Variants in ADAM10 observed in about 807,000 individuals in gnomAD.
ADAM10 encodes the protein ADAM metallopeptidase domain 10.
ADAM10 carries 17 observed loss-of-function variants against 90.1 expected under a neutral mutation model. The ratio of observed to expected loss-of-function variants is 0.19; its 90% CI spans 0.13 to 0.28. ADAM10 has a LOEUF of 0.28. Among genes scored for constraint, ADAM10 ranks in the 10% least tolerant of loss-of-function variants. The probability of loss-of-function intolerance (pLI) is 1.00; values close to 1 mark genes in which losing one functional copy is unlikely to be tolerated. For synonymous variants in ADAM10, 310 were observed against 298.6 expected (o/e 1.04, Z -0.40); for missense variants, 610 against 914.3 (o/e 0.67, Z 4.29).
At chr15:58,691,345 C>A in intron 2 of ADAM10, 1 of 1,058,438 alleles carries the variant, frequency 9.4e-7, no homozygotes, top group Middle Eastern at 2.0e-4. Flanking sequence ...CAGTACTCAT[C>A]AATGGGCTCA....
intron 1 of ADAM10, among the ~76,000 whole-genome samples, chr15:58,745,503 TATTATGA>T (rs1899761758): frequency 6.6e-6 from 1 of 152,242 alleles, no homozygotes; most frequent in Admixed American, 6.5e-5. Context: ...AAGCTGCTAC[TATTATGA>T]AAACGGGTTT....
intron 2 of ADAM10, among the ~76,000 whole-genome samples, chr15:58,685,648 T>C (rs565628104): frequency 2.3e-4 from 34 of 149,630 alleles, no homozygotes; most frequent in Non-Finnish European, 4.7e-4. Context: ...ATTATAAGAA[T>C]GTGCATCAAA....
intron 5 of ADAM10, among the ~76,000 whole-genome samples, chr15:58,656,680 G>C (rs1896835912): frequency 2.6e-5 from 4 of 152,040 alleles, no homozygotes; most frequent in South Asian, 2.1e-4. Context: ...ATCCTGAAGA[G>C]TTATTTTTTA....
chr15:58,676,695 G>C (rs555124890), intron 4 of ADAM10, among the ~76,000 whole-genome samples: 18 of 152,164 alleles, frequency 1.2e-4, no homozygotes, highest in African/African-American at 4.1e-4. Context: ...CTTATACCTG[G>C]AGTCCCAGCT....
chr15:58,670,079 T>A (rs1253264788), intron 4 of ADAM10, among the ~76,000 whole-genome samples: 2 of 152,032 alleles, frequency 1.3e-5, no homozygotes, highest in Non-Finnish European at 2.9e-5. Context: ...ATTATAAACT[T>A]TATATATAAG....
intron 1 of ADAM10, among the ~76,000 whole-genome samples, chr15:58,749,246 G>C (rs1899895990): frequency 6.6e-6 from 1 of 152,178 alleles, no homozygotes; most frequent in African/African-American, 2.4e-5. Flanking sequence ...CAGGGCGGTG[G>C]GGGGCGGGGA....
chr15:58,701,080 G>T (rs1225542109), intron 2 of ADAM10, among the ~76,000 whole-genome samples: 1 of 143,978 alleles, frequency 6.9e-6, no homozygotes, highest in East Asian at 2.0e-4. Flanking sequence ...ACAATAGGAA[G>T]GATAAACAAA....
intron 5 of ADAM10, 97 bp downstream of exon 5, chr15:58,665,000 G>C: frequency 1.0e-6 from 1 of 998,636 alleles, no homozygotes; most frequent in East Asian, 2.4e-5. Context: ...GTGGTGTTAA[G>C]TCTTTCAGAA....
Position 58,643,906 on chromosome 15 carries a change from A to G in ADAM10, c.808T>C (p.Phe270Leu). ...CTTACTCTTATGCGTTTCACCATGA[A>G]ACTGATGTTACGGATTCCGGAGAAG... Reference protein sequence around the residue: ...TDFSGIRNISFMVKRIRINTT... With the variant: ...TDFSGIRNISLMVKRIRINTT... The change falls in exon 7 of 16, where the codon TTC becomes CTC. Residue 270 changes from phenylalanine to leucine, a missense_variant. This residue lies in a region of ADAM10 where 310 missense variants were observed against 362.4 expected (regional missense o/e 0.86). Transcript: ENST00000260408. The G allele has an allele frequency of 6.2e-7, 1 of 1,612,972 alleles. No individual in the cohort carries two copies.
intron 10 of ADAM10, among the ~76,000 whole-genome samples, chr15:58,623,248 C>A (rs1895841839): frequency 6.6e-6 from 1 of 152,166 alleles, no homozygotes; most frequent in Admixed American, 6.5e-5. Context: ...CATATGCACT[C>A]ACATCAGCCC....
At chr15:58,749,066 G>A in intron 1 of ADAM10, 1 of 398,902 alleles carries the variant, frequency 2.5e-6, no homozygotes, top group South Asian at 1.3e-4. Flanking sequence ...CAGGATGAGC[G>A]CTGAACGAGG....
intron 7 of ADAM10, 71 bp downstream of exon 7, chr15:58,643,815 T>G: frequency 1.7e-6 from 2 of 1,159,152 alleles, no homozygotes; most frequent in Non-Finnish European, 2.6e-6. Context: ...AAGCAAGCTT[T>G]TGTGTGTGTG....
intron 10 of ADAM10, among the ~76,000 whole-genome samples, chr15:58,626,531 ATATT>A (rs1895950732): frequency 6.6e-6 from 1 of 152,130 alleles, no homozygotes; most frequent in Admixed American, 6.6e-5. Flanking sequence ...TACAAAGTAA[ATATT>A]TAGAGTATGT....
At chr15:58,693,706 T>C (rs4775089) in intron 2 of ADAM10, among the ~76,000 whole-genome samples, 1 of 150,060 alleles carries the variant, frequency 6.7e-6, no homozygotes, top group African/African-American at 2.5e-5. Context: ...AAGAAAAAAA[T>C]TTTTTCATTA....
rs753570465 is a variant in ADAM10 at position 58,592,263 on chromosome 15, G to A, written c.*5284C>T. On this transcript the variant is annotated 3_prime_UTR_variant, in exon 16 of 16. Coordinates refer to ENST00000260408, the MANE Select transcript of ADAM10 (RefSeq NM_001110.4). ...TATTGTCTAGATCCATAAATTGTTG[G>A]GGGGGTAAAATGGTGATATCCTAAT... The A allele has an allele frequency of 6.6e-6, 1 of 152,136 alleles. No individual in the cohort carries two copies. Among genetic ancestry groups the A allele is most frequent in the South Asian group, 2.1e-4 (1 of 4,832 alleles). 9.4% of individuals were successfully genotyped at this position (152,136 alleles called of 1,614,324 possible). A position where few individuals can be genotyped will look rare whatever the true frequency, so the allele number is the denominator to read the frequency against.
intron 8 of ADAM10, among the ~76,000 whole-genome samples, chr15:58,633,582 A>C (rs1896160843): frequency 6.6e-6 from 1 of 152,234 alleles, no homozygotes; most frequent in Non-Finnish European, 1.5e-5. Context: ...GACTGAGTAC[A>C]CAGCCTTTAC....
intron 5 of ADAM10, among the ~76,000 whole-genome samples, chr15:58,654,241 A>G (rs1282418711): frequency 6.6e-6 from 1 of 151,684 alleles, no homozygotes; most frequent in African/African-American, 2.4e-5. Flanking sequence ...TCTTCTACTA[A>G]TTTCGGGTTT....
chr15:58,599,741 T>C lies in ADAM10; in HGVS notation c.2026-17A>G, dbSNP rs773905830. 7.6e-6 allele frequency: 12 copies of C among 1,569,850 alleles called. No individual in the cohort carries two copies. The highest frequency in any genetic ancestry group is 8.5e-6 in the Non-Finnish European group (10 of 1,171,134). On this transcript the variant is annotated splice_polypyrimidine_tract_variant and intron_variant, in intron 14 of 15. Transcript: ENST00000260408. ...CCAATGAGCCTAGAAATAAACAGAT[T>C]TTTCCACTGAAAAAAAAAAAACTAC... is the stretch of plus-strand genomic sequence containing the variant.
chr15:58,599,773 T>G, intron 14 of ADAM10, 49 bp from the exon 15 acceptor site: 1 of 1,560,940 alleles, frequency 6.4e-7, no homozygotes, highest in Non-Finnish European at 8.8e-7. Flanking sequence ...CTACAAAATA[T>G]TTTAGAGTAT....
Sources: allele counts gnomAD v4.1 joint callset (sites outside exome capture counted in the v4.1 genomes callset), GRCh38; gene constraint gnomAD v4.1.1; regional missense constraint gnomAD v4.1.1; transcripts MANE v1.5; gene names NCBI Gene and HGNC (gene_info 2026-07-23, HGNC 2026-07-21).